CLASP2: variants seen among roughly 807,000 people sequenced by gnomAD.
The protein encoded by CLASP2 is cytoplasmic linker associated protein 2, also known as CLIP-associating protein 2.
CLASP2 carries 47 observed loss-of-function variants against 194.4 expected under a neutral mutation model. The ratio of observed to expected loss-of-function variants is 0.24; its 90% CI spans 0.19 to 0.31. The LOEUF (loss-of-function observed/expected upper bound fraction) is 0.31, where lower values mean the gene tolerates loss of function less well. Ranked by LOEUF, CLASP2 falls within the 10% of genes least tolerant of loss-of-function variation. CLASP2 has a pLI of 1.00. For synonymous variants in CLASP2, 619 were observed against 633.5 expected (o/e 0.98, Z 0.34); for missense variants, 1,445 against 1,823.6 (o/e 0.79, Z 3.78).
intron 1 of CLASP2, among the ~76,000 whole-genome samples, chr3:33,705,757 A>G (rs765142359): frequency 6.6e-6 from 1 of 152,318 alleles, no homozygotes; most frequent in African/African-American, 2.4e-5. Context: ...ACATTCATCA[A>G]TATGGGACAG....
intron 37 of CLASP2, chr3:33,504,679 T>A (rs1159152671): frequency 1.3e-5 from 2 of 151,928 alleles, no homozygotes; most frequent in Non-Finnish European, 2.9e-5. Context: ...TGGGGAAGGG[T>A]GATGGGGGGA....
At chr3:33,625,427 C>T (rs2077841063) in intron 10 of CLASP2, among the ~76,000 whole-genome samples, 1 of 151,662 alleles carries the variant, frequency 6.6e-6, no homozygotes, top group Non-Finnish European at 1.5e-5. Context: ...TACATATTAA[C>T]CTGCACTCAA....
At chr3:33,604,655 G>A (rs952055618) in intron 16 of CLASP2, among the ~76,000 whole-genome samples, 12 of 152,008 alleles carry the variant, frequency 7.9e-5, no homozygotes, top group Non-Finnish European at 1.6e-4. Context: ...TTTACAAATC[G>A]CATTAGAACA....
chr3:33,693,118 T>C (rs936926390), intron 2 of CLASP2, among the ~76,000 whole-genome samples: 1 of 152,064 alleles, frequency 6.6e-6, no homozygotes, highest in Non-Finnish European at 1.5e-5. Flanking sequence ...TTGAAAATTA[T>C]ATTTTTCCAC....
Position 33,706,291 on chromosome 3 carries a change from A to C in CLASP2, c.196-9358T>G, listed in dbSNP as rs1181532813. ...ACACAAAGACACAATGATGGAAAATAAAGTTTTAACGGTGAGAACAGGATA... is the reference window on the plus strand; with the variant it reads ...ACACAAAGACACAATGATGGAAAATCAAGTTTTAACGGTGAGAACAGGATA... On this transcript the variant is annotated intron_variant, in intron 1 of 38. Transcript: ENST00000682230. Among the ~76,000 whole-genome samples the C allele has an allele frequency of 2.0e-5, 3 of 152,332 alleles. No homozygotes were observed. In the East Asian group the frequency reaches 5.8e-4, roughly 29 times the overall value.
At chr3:33,678,720 G>T (rs752343789) in intron 6 of CLASP2, among the ~76,000 whole-genome samples, 1 of 152,156 alleles carries the variant, frequency 6.6e-6, no homozygotes, top group Non-Finnish European at 1.5e-5. Flanking sequence ...CGAAATAAGT[G>T]TAAGACTTTA....
At chr3:33,699,681 T>A (rs1384419287) in intron 1 of CLASP2, among the ~76,000 whole-genome samples, 1 of 152,030 alleles carries the variant, frequency 6.6e-6, no homozygotes, top group East Asian at 1.9e-4. Flanking sequence ...TATGATAAAG[T>A]TTAATTTATA....
intron 30 of CLASP2, 31 bp from the exon 31 acceptor site, chr3:33,544,872 A>T: frequency 1.3e-6 from 2 of 1,536,684 alleles, no homozygotes; most frequent in Non-Finnish European, 8.8e-7. Flanking sequence ...GTAGATGAAT[A>T]TATTTTTGTT....
At chr3:33,661,108 G>A (rs2085241292) in intron 7 of CLASP2, among the ~76,000 whole-genome samples, 1 of 152,148 alleles carries the variant, frequency 6.6e-6, no homozygotes, top group South Asian at 2.1e-4. Context: ...TAACACTGGT[G>A]AAAATAATTT....
intron 33 of CLASP2, 148 bp from the exon 34 acceptor site, chr3:33,535,609 C>A: frequency 1.6e-6 from 1 of 634,056 alleles, no homozygotes; most frequent in African/African-American, 1.8e-5. Flanking sequence ...TGGCAATCAA[C>A]ATTATGAGTT....
At chr3:33,645,929 T>TACACACACACAC (rs60196645) in intron 7 of CLASP2, among the ~76,000 whole-genome samples, 20 of 135,202 alleles carry the variant, frequency 1.5e-4, no homozygotes, top group East Asian at 1.1e-3. Flanking sequence ...TCTCCCAGCA[T>TACACACACACAC]ACACACACAC....
chr3:33,686,918 G>A (rs1259934207), intron 5 of CLASP2, 142 bp downstream of exon 5: 2 of 555,854 alleles, frequency 3.6e-6, no homozygotes, highest in Non-Finnish European at 6.4e-6. Context: ...TAACTTTGAT[G>A]GATTTTTTTT....
intron 13 of CLASP2, among the ~76,000 whole-genome samples, chr3:33,610,070 C>G (rs1577153827): frequency 6.6e-6 from 1 of 152,188 alleles, no homozygotes; most frequent in African/African-American, 2.4e-5. Context: ...TTAAATAAAA[C>G]CTTCAATCAA....
chr3:33,668,044 C>T (rs1162651591), intron 6 of CLASP2, among the ~76,000 whole-genome samples: 1 of 151,996 alleles, frequency 6.6e-6, no homozygotes, highest in Non-Finnish European at 1.5e-5. Flanking sequence ...ACAGTGAAAC[C>T]CCGTCTCTAC....
At chr3:33,503,291 T>G (rs1210172478) in intron 37 of CLASP2, 1 of 152,198 alleles carries the variant, frequency 6.6e-6, no homozygotes, top group African/African-American at 2.4e-5. Context: ...TGTTTTCACC[T>G]TTTGGCTACT....
At chr3:33,627,957 G>A (rs948266450) in intron 9 of CLASP2, among the ~76,000 whole-genome samples, 2 of 152,062 alleles carry the variant, frequency 1.3e-5, no homozygotes, top group Non-Finnish European at 2.9e-5. Context: ...AAAGGGACTA[G>A]GAGAAGAGCC....
intron 1 of CLASP2, among the ~76,000 whole-genome samples, chr3:33,701,550 T>C (rs901601221): frequency 6.6e-6 from 1 of 152,168 alleles, no homozygotes; most frequent in Non-Finnish European, 1.5e-5. Flanking sequence ...GACCTATGAA[T>C]GCACCACTGC....
At chr3:33,580,811 C>G (rs1448464540) in intron 23 of CLASP2, among the ~76,000 whole-genome samples, 1 of 151,706 alleles carries the variant, frequency 6.6e-6, no homozygotes, top group Admixed American at 6.6e-5. Context: ...GTCAGGAGAT[C>G]GAGACCATCC....
At chr3:33,696,357 T>C (rs549404865) in intron 2 of CLASP2, among the ~76,000 whole-genome samples, 83 of 145,400 alleles carry the variant, frequency 5.7e-4, no homozygotes, top group African/African-American at 1.5e-3. Context: ...TTCTTTCTTT[T>C]TTTTTTTTTT....
Sources: gnomAD v4.1 joint callset for allele counts (sites outside exome capture counted in the v4.1 genomes callset) on GRCh38, gnomAD v4.1.1 for gene constraint, MANE v1.5 for transcripts, NCBI Gene and HGNC (gene_info 2026-07-23, HGNC 2026-07-21) for gene names.